The following AP3B1 variants were observed in gnomAD, a reference collection of about 807,000 sequenced individuals.
The protein encoded by AP3B1 is AP-3 complex subunit beta-1.
AP3B1 carries 61 observed loss-of-function variants against 132.5 expected under a neutral mutation model. The observed-to-expected ratio is 0.46, with a 90% confidence interval of 0.37 to 0.57. AP3B1 has a LOEUF of 0.57. Among genes scored for constraint, AP3B1 ranks in the 20% least tolerant of loss-of-function variants. The probability of loss-of-function intolerance (pLI) is 0.00; values close to 1 mark genes in which losing one functional copy is unlikely to be tolerated. For synonymous variants in AP3B1, 388 were observed against 438.3 expected (o/e 0.89, Z 1.43); for missense variants, 1,120 against 1,289.4 (o/e 0.87, Z 2.01).
intron 17 of AP3B1, among the ~76,000 whole-genome samples, chr5:78,123,068 A>G (rs1178046591): frequency 6.6e-6 from 1 of 152,264 alleles, no homozygotes; most frequent in Non-Finnish European, 1.5e-5. Context: ...CTGATCTTTG[A>G]CAAACCTGAG....
intron 22 of AP3B1, among the ~76,000 whole-genome samples, chr5:78,049,137 C>T (rs1748470307): frequency 6.6e-6 from 1 of 152,168 alleles, no homozygotes; most frequent in Non-Finnish European, 1.5e-5. Flanking sequence ...TTGATGTGGG[C>T]CAACCTAACT....
chr5:78,003,065 A>G lies in AP3B1; in HGVS notation c.3132-10T>C. 1 of 1,613,936 alleles carries G rather than the reference A, an allele frequency of 6.2e-7. No individual in the cohort carries two copies. The stretch of plus-strand genomic sequence containing the variant: ...AGTTTTAGCTGCAAACCTGGAAGAG[A>G]AAAAAGAGAGACCTTTTATCATAAG... On this transcript the variant is annotated splice_polypyrimidine_tract_variant and intron_variant, in intron 26 of 26. Transcript: ENST00000255194.
At chr5:78,085,215 G>A (rs980872124) in intron 22 of AP3B1, among the ~76,000 whole-genome samples, 1 of 152,144 alleles carries the variant, frequency 6.6e-6, no homozygotes, top group Non-Finnish European at 1.5e-5. Flanking sequence ...CTGCTTCATT[G>A]CATACCTCAG....
rs142824196 is a variant in AP3B1, at chr5:78,283,661, C to T, written c.128+10791G>A. The stretch of plus-strand genomic sequence containing the variant: ...CTTATCTATCTATCTAACTGCTCAA[C>T]GAATGCCTAACTATCAATTCAAATT... On this transcript the variant is annotated intron_variant, in intron 1 of 26. Coordinates refer to ENST00000255194, the MANE Select transcript of AP3B1 (RefSeq NM_003664.5). Among the ~76,000 whole-genome samples the T allele has an allele frequency of 1.2e-3, 183 of 152,232 alleles. 1 individual carries two copies. The highest frequency in any genetic ancestry group is 0.01 in the Middle Eastern group (3 of 294).
intron 17 of AP3B1, among the ~76,000 whole-genome samples, chr5:78,118,892 A>AC (rs879059504): frequency 1.3e-5 from 2 of 152,014 alleles, no homozygotes; most frequent in African/African-American, 2.4e-5. Context: ...TGGGTCCCTG[A>AC]CCCCCAAGCA....
chr5:78,206,430 C>T (rs1404398415), intron 7 of AP3B1, among the ~76,000 whole-genome samples: 3 of 151,872 alleles, frequency 2.0e-5, no homozygotes, highest in Non-Finnish European at 2.9e-5. Context: ...TTATTCTTTC[C>T]AAATCATAGT....
At chr5:78,167,322 C>T (rs1217256951) in intron 11 of AP3B1, among the ~76,000 whole-genome samples, 1 of 151,750 alleles carries the variant, frequency 6.6e-6, no homozygotes, top group Non-Finnish European at 1.5e-5. Context: ...TGGTCATAAT[C>T]AAAAAATCAA....
chr5:78,085,287 T>G (rs1425021607), intron 22 of AP3B1, among the ~76,000 whole-genome samples: 2 of 152,218 alleles, frequency 1.3e-5, no homozygotes, highest in Admixed American at 1.3e-4. Flanking sequence ...GTTCTTTAAT[T>G]CTACATTTTT....
At chr5:78,267,688 C>T (rs1748383986) in intron 1 of AP3B1, 93 bp from the exon 2 acceptor site, 9 of 779,454 alleles carry the variant, frequency 1.2e-5, no homozygotes, top group Non-Finnish European at 1.2e-5. Context: ...GAAGTAATAT[C>T]ATGGGCAATG....
intron 26 of AP3B1, among the ~76,000 whole-genome samples, chr5:78,011,041 CTTTT>C (rs11301750): frequency 4.6e-5 from 6 of 129,372 alleles, no homozygotes; most frequent in Non-Finnish European, 8.1e-5. Flanking sequence ...CTGTATCTCT[CTTTT>C]TTTTTTTTTT....
chr5:78,294,476 C>T lies in AP3B1; in HGVS notation c.104G>A (p.Gly35Asp). The change falls in exon 1 of 27, where the codon GGC (glycine) becomes GAC (aspartate). Residue 35 changes from glycine to aspartate, a missense_variant. By Grantham distance (94) the Gly-to-Asp change is moderately conservative. Coordinates refer to ENST00000255194, the MANE Select transcript of AP3B1 (RefSeq NM_003664.5). ...TSTISPSGAF[G>D]LFSSDLKKNE... is the part of the protein sequence containing the mutation. ...CTTCTTCAAATCGCTGCTAAAGAGGCCGAAGGCCCCCGAGGGGGAAATGGT... is the reference window on the plus strand; with the variant it reads ...CTTCTTCAAATCGCTGCTAAAGAGGTCGAAGGCCCCCGAGGGGGAAATGGT... The T allele has an allele frequency of 6.2e-7, 1 of 1,614,232 alleles. No homozygotes were observed.
In AP3B1 at chr5:78,039,244, T is replaced by C; in HGVS notation, c.2608A>G (p.Thr870Ala). The change falls in exon 23 of 27, where the codon ACT becomes GCT. Residue 870 changes from threonine to alanine, a missense_variant. Physicochemically the swap from Thr to Ala is moderately conservative, Grantham distance 58. Transcript: ENST00000255194. The stretch of plus-strand genomic sequence containing the variant: ...CTCATTCGATGAAGCAGCACGTGAG[T>C]TTTCGTTGGTACAAATGCAGGAGTA... ...VSTPAFVPTK[T>A]HVLLHRMSGK... 1 of 1,614,032 alleles carries C rather than the reference T, an allele frequency of 6.2e-7. No individual in the cohort carries two copies. The highest frequency in any genetic ancestry group is 8.5e-7 in the Non-Finnish European group (1 of 1,179,990).
chr5:78,188,850 A>G (rs915122546), intron 7 of AP3B1, among the ~76,000 whole-genome samples: 11 of 152,302 alleles, frequency 7.2e-5, no homozygotes, highest in African/African-American at 2.6e-4. Context: ...ATGACAGACT[A>G]CATAAAGAAA....
chr5:78,018,363 C>A (rs1746939195), intron 25 of AP3B1, among the ~76,000 whole-genome samples: 1 of 151,776 alleles, frequency 6.6e-6, no homozygotes, highest in African/African-American at 2.4e-5. Flanking sequence ...ACCCTAAACA[C>A]AACTGAGAAA....
chr5:78,240,393 A>G (rs1405050130), intron 3 of AP3B1, among the ~76,000 whole-genome samples: 1 of 152,214 alleles, frequency 6.6e-6, no homozygotes, highest in African/African-American at 2.4e-5. Context: ...TGTTCATTCA[A>G]TAAATCCACA....
At chr5:78,115,797 C>T (rs1247831065) in intron 18 of AP3B1, among the ~76,000 whole-genome samples, 1 of 151,798 alleles carries the variant, frequency 6.6e-6, no homozygotes, top group Non-Finnish European at 1.5e-5. Context: ...TTTTAAAGAC[C>T]CCACTAAAAG....
At chr5:78,097,853 A>G (rs1456701292) in intron 21 of AP3B1, among the ~76,000 whole-genome samples, 1 of 152,240 alleles carries the variant, frequency 6.6e-6, no homozygotes, top group Non-Finnish European at 1.5e-5. Context: ...AAAGGTGGGG[A>G]AAAGATTGAG....
Position 78,155,529 on chromosome 5 carries a change from A to G in AP3B1, c.1473+729T>C, listed in dbSNP as rs141244393. 3.3e-3 allele frequency among the ~76,000 whole-genome samples: 502 copies of G among 152,244 alleles called. 2 individuals are homozygous for G. Among genetic ancestry groups the G allele is most frequent in the African/African-American group, 0.011 (477 of 41,536 alleles). ...TTTGGCCATCTTGCTCCACTCTTCAAGATTTGTGTTTAAAAACTAAGATCT... is the reference window on the plus strand; with the variant it reads ...TTTGGCCATCTTGCTCCACTCTTCAGGATTTGTGTTTAAAAACTAAGATCT... On this transcript the variant is annotated intron_variant, in intron 14 of 26. Coordinates refer to ENST00000255194, the MANE Select transcript of AP3B1 (RefSeq NM_003664.5).
chr5:78,105,190 C>T (rs1751284567), intron 20 of AP3B1, among the ~76,000 whole-genome samples: 2 of 152,056 alleles, frequency 1.3e-5, no homozygotes, highest in South Asian at 4.1e-4. Flanking sequence ...CATAGAGTAT[C>T]TAAATCTTCA....
Sources: gnomAD v4.1 joint callset for allele counts (sites outside exome capture counted in the v4.1 genomes callset) on GRCh38, gnomAD v4.1.1 for gene constraint, MANE v1.5 for transcripts, NCBI Gene and HGNC (gene_info 2026-07-23, HGNC 2026-07-21) for gene names.